PRPSAP2: variants seen among roughly 807,000 people sequenced by gnomAD.
The protein encoded by PRPSAP2 is phosphoribosyl pyrophosphate synthase-associated protein 2.
Under a neutral mutation model 40.6 loss-of-function variants are expected in PRPSAP2, and 24 were observed. The observed-to-expected ratio is 0.59, with a 90% confidence interval of 0.43 to 0.83. The LOEUF is 0.83. Among genes scored for constraint, PRPSAP2 ranks in the 40% least tolerant of loss-of-function variants. PRPSAP2 has a pLI of 0.00. For missense variants in PRPSAP2, 292 were observed against 465.6 expected (o/e 0.63, Z 3.43); for synonymous variants, 149 against 164.7 (o/e 0.90, Z 0.73).
chr17:18,859,172 G>C (rs937757731), intron 1 of PRPSAP2, among the ~76,000 whole-genome samples: 3 of 152,146 alleles, frequency 2.0e-5, no homozygotes, highest in Non-Finnish European at 4.4e-5. Context: ...TGAGCATATA[G>C]CTTTTTCCTT....
chr17:18,930,550 C>T lies in PRPSAP2; in HGVS notation c.962C>T (p.Thr321Ile). Reference protein sequence around the residue: ...EESAIDEVVVTNTIPHEVQKL... With the variant: ...EESAIDEVVVINTIPHEVQKL... The stretch of plus-strand genomic sequence containing the variant: ...TCTTTTGCTTCACAGGTGGTGGTCA[C>T]CAATACAATTCCACATGAAGTCCAG... The change falls in exon 12 of 12, where the codon ACC becomes ATC. Residue 321 changes from threonine to isoleucine, a missense_variant. This residue lies in a region of PRPSAP2 where 241 missense variants were observed against 425.7 expected (regional missense o/e 0.57). Transcript: ENST00000268835. 6.2e-7 allele frequency: 1 copy of T among 1,613,178 alleles called. No homozygotes were observed. Among genetic ancestry groups the T allele is most frequent in the Non-Finnish European group, 8.5e-7 (1 of 1,179,492 alleles).
At chr17:18,908,611 A>G in intron 8 of PRPSAP2, 1 of 723,982 alleles carries the variant, frequency 1.4e-6, no homozygotes, top group Non-Finnish European at 2.6e-6. Context: ...CAACATGGGT[A>G]GTGACCATGC....
chr17:18,920,864 G>T (rs1369936386), intron 9 of PRPSAP2, among the ~76,000 whole-genome samples: 1 of 151,962 alleles, frequency 6.6e-6, no homozygotes, highest in South Asian at 2.1e-4. Context: ...CCTCTTTTTG[G>T]TTTTTCACCC....
chr17:18,923,836 T>A, intron 9 of PRPSAP2, 78 bp from the exon 10 acceptor site: 3 of 1,283,186 alleles, frequency 2.3e-6, no homozygotes, highest in Non-Finnish European at 3.2e-6. Context: ...TGTTTTTATC[T>A]TGAGATATTA....
At position 18,863,319 on chromosome 17, in the gene PRPSAP2, G is replaced by C. The variant is rs1597504507; in HGVS notation, c.-128-2150G>C. On this transcript the variant is annotated intron_variant, in intron 1 of 11. Coordinates refer to ENST00000268835, the MANE Select transcript of PRPSAP2 (RefSeq NM_002767.4). ...TAGCCGAGGCTGGTCTCAAACTCTT[G>C]GGCTCAAGCAGTCAGCCCACCTTGG... 4.0e-5 allele frequency among the ~76,000 whole-genome samples: 6 copies of C among 151,838 alleles called. No homozygotes were observed. In the South Asian group the frequency reaches 1.3e-3, roughly 32 times the overall value.
intron 9 of PRPSAP2, among the ~76,000 whole-genome samples, chr17:18,915,441 G>T (rs1462237065): frequency 6.6e-6 from 1 of 152,060 alleles, no homozygotes; most frequent in East Asian, 1.9e-4. Flanking sequence ...GTTTTGTGTT[G>T]CTATAACAGA....
chr17:18,887,562 T>G (rs1027812385), intron 7 of PRPSAP2, among the ~76,000 whole-genome samples: 3 of 152,216 alleles, frequency 2.0e-5, no homozygotes, highest in Admixed American at 6.5e-5. Context: ...TGTTAAGTAT[T>G]TCATCCCTTC....
chr17:18,907,069 A>AT (rs955792198), intron 8 of PRPSAP2, among the ~76,000 whole-genome samples: 2 of 151,984 alleles, frequency 1.3e-5, no homozygotes, highest in Admixed American at 6.6e-5. Context: ...ATAATCCTTA[A>AT]TTTTTTGTTT....
rs2037642578 is a variant in PRPSAP2, at chr17:18,868,985, A to G, written c.172+1651A>G. Among the ~76,000 whole-genome samples the G allele has an allele frequency of 4.6e-5, 7 of 152,114 alleles. No homozygotes were observed. In the South Asian group the frequency reaches 1.4e-3, roughly 31 times the overall value. ...CTCTTTTCTGTCTCCCAAGATCCCT[A>G]TGTGGCGTCAGTAGGGAAAAAGTAT... On this transcript the variant is annotated intron_variant, in intron 4 of 11. Coordinates refer to ENST00000268835, the MANE Select transcript of PRPSAP2 (RefSeq NM_002767.4).
In PRPSAP2 at chr17:18,887,226, G is replaced by A. The variant is rs116093408; in HGVS notation, c.529-2596G>A. ...CTGGGATTACAAGCGTGAAGCCACCGTGCCCGGCTTGATAATTTTTCATTT... is the reference window on the plus strand; with the variant it reads ...CTGGGATTACAAGCGTGAAGCCACCATGCCCGGCTTGATAATTTTTCATTT... On this transcript the variant is annotated intron_variant, in intron 7 of 11. Coordinates refer to ENST00000268835, the MANE Select transcript of PRPSAP2 (RefSeq NM_002767.4). Among the ~76,000 whole-genome samples the A allele has an allele frequency of 7.3e-3, 1,107 of 152,074 alleles. 14 individuals are homozygous for A. The highest frequency in any genetic ancestry group is 0.024 in the African/African-American group (1,011 of 41,484).
chr17:18,917,391 T>A (rs1235174229), intron 9 of PRPSAP2: 1 of 147,652 alleles, frequency 6.8e-6, no homozygotes, highest in African/African-American at 2.5e-5. Flanking sequence ...GGAAAACAGA[T>A]GACTTCTTTT....
chr17:18,923,665 A>T (rs996272908), intron 9 of PRPSAP2, among the ~76,000 whole-genome samples: 1 of 152,170 alleles, frequency 6.6e-6, no homozygotes, highest in Non-Finnish European at 1.5e-5. Context: ...AGTATCCAGT[A>T]TGATGGTGAA....
At chr17:18,877,927 TTCTC>T in intron 6 of PRPSAP2, 57 bp downstream of exon 6, 1 of 1,492,632 alleles carries the variant, frequency 6.7e-7, no homozygotes, top group Non-Finnish European at 9.1e-7. Context: ...TATTTATTTA[TTCTC>T]TCTTTTTTAA....
intron 6 of PRPSAP2, among the ~76,000 whole-genome samples, chr17:18,882,323 C>A (rs2038816727): frequency 1.3e-5 from 2 of 151,486 alleles, no homozygotes; most frequent in Non-Finnish European, 2.9e-5. Context: ...ACCAACCTGG[C>A]CAATATGATG....
At chr17:18,929,783 A>G (rs943167303) in intron 11 of PRPSAP2, 4 of 152,122 alleles carry the variant, frequency 2.6e-5, no homozygotes, top group African/African-American at 9.7e-5. Flanking sequence ...TTTTTTTTCT[A>G]CTTTTTAACT....
intron 4 of PRPSAP2, among the ~76,000 whole-genome samples, chr17:18,871,864 T>C (rs2037907764): frequency 1.3e-5 from 2 of 152,126 alleles, no homozygotes; most frequent in Admixed American, 1.3e-4. Context: ...TTCTCTATGT[T>C]GGTCAGGCTG....
intron 8 of PRPSAP2, among the ~76,000 whole-genome samples, chr17:18,901,658 G>C (rs1326611604): frequency 6.6e-6 from 1 of 152,212 alleles, no homozygotes; most frequent in Non-Finnish European, 1.5e-5. Flanking sequence ...TTACAGGCAT[G>C]AGCCACTGCG....
intron 10 of PRPSAP2, among the ~76,000 whole-genome samples, chr17:18,926,766 T>TGTG (rs2041998629): frequency 1.4e-5 from 2 of 142,182 alleles, no homozygotes; most frequent in Non-Finnish European, 3.1e-5. Context: ...GTTGTGCATG[T>TGTG]AGTGAGTGTG....
intron 9 of PRPSAP2, among the ~76,000 whole-genome samples, chr17:18,918,044 C>T (rs1036285840): frequency 1.3e-5 from 2 of 151,912 alleles, no homozygotes; most frequent in Admixed American, 6.6e-5. Context: ...TTTTGCCTTG[C>T]CCAGGAGTTT....
Sources: allele counts gnomAD v4.1 joint callset (sites outside exome capture counted in the v4.1 genomes callset), GRCh38; gene constraint gnomAD v4.1.1; regional missense constraint gnomAD v4.1.1; transcripts MANE v1.5; gene names NCBI Gene and HGNC (gene_info 2026-07-23, HGNC 2026-07-21).